The following NBPF14 variants were observed in gnomAD, a reference collection of about 807,000 sequenced individuals.
NBPF14 encodes NBPF member 14, also known as NBPF family member NBPF14.
In NBPF14, 104 loss-of-function variants were observed where a neutral mutation model predicts 91.2. The ratio of observed to expected loss-of-function variants is 1.14; its 90% CI spans 0.97 to 1.34. The LOEUF (loss-of-function observed/expected upper bound fraction) is 1.34. Ranked by LOEUF, NBPF14 falls within the 40% of genes most tolerant of loss-of-function variation. NBPF14 has a pLI of 0.00. For missense variants in NBPF14, 908 were observed against 783.0 expected (o/e 1.16, Z -1.91); for synonymous variants, 294 against 303.8 (o/e 0.97, Z 0.34).
chr1:148,576,033 A>T lies in NBPF14; in HGVS notation c.2079-222T>A, dbSNP rs1659644072. ...AGGGAGAGAGAGAGAGAGAGGAGAAAGTGAGCTCAGCGAATTGGCCGGGTG... is the reference window on the plus strand; with the variant it reads ...AGGGAGAGAGAGAGAGAGAGGAGAATGTGAGCTCAGCGAATTGGCCGGGTG... On this transcript the variant is annotated intron_variant, in intron 16 of 70. Coordinates refer to ENST00000619423, the Ensembl canonical transcript of NBPF14. Among the ~76,000 whole-genome samples, 24 of 147,968 alleles carry T rather than the reference A, an allele frequency of 1.6e-4. No homozygotes were observed. In the South Asian group the frequency reaches 5.0e-3, roughly 31 times the overall value.
intron 14 of NBPF14, 62 bp from the exon 15 acceptor site, chr1:148,577,417 C>T: frequency 1.5e-6 from 1 of 658,536 alleles, no homozygotes; most frequent in Non-Finnish European, 2.8e-6. Flanking sequence ...ACAGCCCCAG[C>T]TAGATTTCAT....
chr1:148,537,989 A>AG lies in NBPF14; in HGVS notation c.7951dup (p.Leu2651ProfsTer7). On this transcript the variant is annotated frameshift_variant, in exon 65 of 71. Coordinates refer to ENST00000619423, the Ensembl canonical transcript of NBPF14. LOFTEE classifies it high-confidence loss of function. ...CAAGACTTCAGGCTCTACTACCTCC[A>AG]GGAGCTCCCTGCTGAGCCTGGAAAA... 1 of 397,742 alleles carries AG rather than the reference A, an allele frequency of 2.5e-6. No individual in the cohort carries two copies. The highest frequency in any genetic ancestry group is 4.1e-6 in the Non-Finnish European group (1 of 246,562). 24.6% of individuals were successfully genotyped at this position (397,742 alleles called of 1,614,324 possible).
At chr1:148,542,009 G>A (rs1226228597) in intron 59 of NBPF14, among the ~76,000 whole-genome samples, 170 bp from the exon 60 acceptor site, 8 of 41,032 alleles carry the variant, frequency 1.9e-4, no homozygotes, top group African/African-American at 7.6e-4. Flanking sequence ...GAAATTCCTC[G>A]GTTTTTCTCC....
rs1656294663 is a variant in NBPF14, at chr1:148,553,448, T to C, written c.5686+92A>G. The C allele has an allele frequency of 1.4e-5, 2 of 144,694 alleles. 1 individual carries two copies. Among genetic ancestry groups the C allele is most frequent in the Admixed American group, 2.2e-4 (2 of 9,074 alleles). 9.0% of individuals were successfully genotyped at this position (144,694 alleles called of 1,614,324 possible). On this transcript the variant is annotated intron_variant, in intron 45 of 70. Coordinates refer to ENST00000619423, the Ensembl canonical transcript of NBPF14. ...AGGTCCTGCCTGCAGCAATGACGTCTCTCGGGTCAGTAAGGGGCACTTGGA... is the reference window on the plus strand; with the variant it reads ...AGGTCCTGCCTGCAGCAATGACGTCCCTCGGGTCAGTAAGGGGCACTTGGA...
At position 148,577,096 on chromosome 1, in the gene NBPF14, A is replaced by T; in HGVS notation, c.2026+87T>A. 1.1e-5 allele frequency: 7 copies of T among 636,640 alleles called. 1 individual carries two copies. Among genetic ancestry groups the T allele is most frequent in the Non-Finnish European group, 1.7e-5 (6 of 354,460 alleles). The allele number at this position is 636,640 out of a possible 1,614,324, so 39.4% of individuals were successfully genotyped here. A position where few individuals can be genotyped will look rare whatever the true frequency, so the allele number is the denominator to read the frequency against. On this transcript the variant is annotated intron_variant, in intron 15 of 70. Coordinates refer to ENST00000619423, the Ensembl canonical transcript of NBPF14. ...TCTCCCTGTGGCAATGACATCTCTC[A>T]GCTCAGTAAGGGCCACTTGCAGTAG...
intron 12 of NBPF14, among the ~76,000 whole-genome samples, chr1:148,579,742 T>C (rs1210720754): frequency 2.0e-5 from 3 of 152,048 alleles, no homozygotes; most frequent in Non-Finnish European, 2.9e-5. Context: ...AAAGCATATA[T>C]ACACCTCTCC....
At chr1:148,534,950 A>C (rs1344708360) in intron 68 of NBPF14, 94 bp from the exon 69 acceptor site, 1 of 744,756 alleles carries the variant, frequency 1.3e-6, no homozygotes, top group Non-Finnish European at 2.4e-6. Context: ...GGAACAGTTT[A>C]AAAAGAAAAA....
chr1:148,572,778 C>G (rs1343479068), intron 20 of NBPF14, among the ~76,000 whole-genome samples, 163 bp from the exon 21 acceptor site: 1 of 68,654 alleles, frequency 1.5e-5, no homozygotes, highest in East Asian at 3.2e-4. Context: ...AGAACAGGGC[C>G]AGATAGAAAA....
intron 28 of NBPF14, among the ~76,000 whole-genome samples, chr1:148,566,568 G>C (rs1343807345): frequency 1.4e-5 from 2 of 143,524 alleles, no homozygotes; most frequent in South Asian, 2.3e-4. Context: ...CAGAGAACGA[G>C]CTCAGTGAAT....
chr1:148,576,338 T>C (rs1381240562), intron 16 of NBPF14, 72 bp downstream of exon 16: 1 of 432,902 alleles, frequency 2.3e-6, no homozygotes, highest in African/African-American at 3.9e-5. Context: ...TTGAACACAC[T>C]CTTGTTTTCC....
At chr1:148,589,732 GGTTTTTT>G (rs1261246833) in intron 6 of NBPF14, among the ~76,000 whole-genome samples, 9 of 139,168 alleles carry the variant, frequency 6.5e-5, no homozygotes, top group African/African-American at 2.3e-4. Flanking sequence ...TTTCTTTTTT[GGTTTTTT>G]GTTTTTTGTT....
chr1:148,538,279 C>G (rs1251635132), intron 64 of NBPF14, among the ~76,000 whole-genome samples: 32 of 54,140 alleles, frequency 5.9e-4, no homozygotes, highest in African/African-American at 2.7e-3. Context: ...AGTGAATTGT[C>G]CAGGTGACAC....
In NBPF14 at chr1:148,559,894, G is replaced by C; in HGVS notation, c.4628C>G (p.Thr1543Ser). ...AGTCAGTTCAAGACAACCTGAAGGA[G>C]TTGAATAACATCTATCCAGTGAGTC... Residue 1543 changes from threonine to serine, a missense_variant, in exon 37 of 71, where the codon ACT becomes AGT. By Grantham distance (58) the Thr-to-Ser change is moderately conservative. Coordinates refer to ENST00000619423, the Ensembl canonical transcript of NBPF14. The C allele has an allele frequency of 3.1e-6, 4 of 1,287,838 alleles. 1 individual carries two copies. Among genetic ancestry groups the C allele is most frequent in the Non-Finnish European group, 4.3e-6 (4 of 921,692 alleles). The allele number at this position is 1,287,838 out of a possible 1,614,324, so 79.8% of individuals were successfully genotyped here.
chr1:148,560,252 C>T (rs1657577774), intron 36 of NBPF14, among the ~76,000 whole-genome samples: 1 of 148,626 alleles, frequency 6.7e-6, no homozygotes, highest in South Asian at 2.1e-4. Context: ...AGTCAAAGGA[C>T]ACTCTGAGTT....
rs1257749514 is a variant in NBPF14 at position 148,590,949 on chromosome 1, CT to C, written c.585del (p.Glu196ArgfsTer47). The C allele has an allele frequency of 1.2e-5, 8 of 689,302 alleles. 1 individual carries two copies. Among genetic ancestry groups the C allele is most frequent in the African/African-American group, 1.9e-5 (1 of 52,062 alleles). 42.7% of individuals were successfully genotyped at this position (689,302 alleles called of 1,614,324 possible). A position where few individuals can be genotyped will look rare whatever the true frequency, so the allele number is the denominator to read the frequency against. ...AGTGAGTCCTCAGGGACTTTGCTCT[CT>C]TCAGCCTTCTGCACCTCCCTGATGA... On this transcript the variant is annotated frameshift_variant, in exon 6 of 71. Coordinates refer to ENST00000619423, the Ensembl canonical transcript of NBPF14. LOFTEE classifies it high-confidence loss of function.
At chr1:148,577,545 C>T (rs1660075713) in intron 14 of NBPF14, among the ~76,000 whole-genome samples, 190 bp from the exon 15 acceptor site, 1 of 22,708 alleles carries the variant, frequency 4.4e-5, no homozygotes, top group African/African-American at 9.6e-4. Context: ...ACGAGAAAGA[C>T]ACACACACAC....
chr1:148,559,283 T>C (rs1322469077), intron 37 of NBPF14, among the ~76,000 whole-genome samples: 1 of 114,624 alleles, frequency 8.7e-6, no homozygotes, highest in Non-Finnish European at 1.6e-5. Flanking sequence ...TTCCCTATTC[T>C]GGTAGATCGT....
At chr1:148,577,624 T>G (rs1329507082) in intron 14 of NBPF14, among the ~76,000 whole-genome samples, 1 of 147,700 alleles carries the variant, frequency 6.8e-6, no homozygotes, top group Non-Finnish European at 1.5e-5. Flanking sequence ...GGTGACACAC[T>G]GATGAGGGAG....
Position 148,534,683 on chromosome 1 carries a change from C to G in NBPF14, c.8614+1G>C. On this transcript the variant is annotated splice_donor_variant, in intron 69 of 70. Transcript: ENST00000619423. LOFTEE classifies it high-confidence loss of function. The stretch of plus-strand genomic sequence containing the variant: ...TATCACCTTCATAGTAAGGTACTCA[C>G]TGTCCACGTCAAGAGCCAAGCCAAG... The G allele has an allele frequency of 2.5e-6, 2 of 801,700 alleles. No homozygotes were observed. The highest frequency in any genetic ancestry group is 1.4e-5 in the South Asian group (1 of 73,740). The allele number at this position is 801,700 out of a possible 1,614,324, so 49.7% of individuals were successfully genotyped here. A position where few individuals can be genotyped will look rare whatever the true frequency, so the allele number is the denominator to read the frequency against.
Sources: allele counts gnomAD v4.1 joint callset (sites outside exome capture counted in the v4.1 genomes callset), GRCh38; gene constraint gnomAD v4.1.1; transcripts MANE v1.5; gene names NCBI Gene and HGNC (gene_info 2026-07-23, HGNC 2026-07-21).